The following EYS variants were observed in gnomAD, a reference collection of about 807,000 sequenced individuals.
EYS encodes the protein protein eyes shut homolog.
A neutral mutation model predicts 282.1 loss-of-function variants in EYS; 250 were observed. The observed-to-expected ratio is 0.89, with a 90% CI of 0.80 to 0.98. EYS has a LOEUF of 0.98. Ranked by LOEUF, EYS falls within the 50% of genes least tolerant of loss-of-function variation. The pLI is 0.00. For missense variants in EYS, 4,016 were observed against 3,709.0 expected, an observed-to-expected ratio of 1.08 and a Z score of -2.15; for synonymous variants, 1,355 against 1,282.9, an observed-to-expected ratio of 1.06 and a Z score of -1.20.
chr6:63,753,168 G>GTATATATA (rs1769388233), intron 41 of EYS, among the ~76,000 whole-genome samples: 3 of 119,282 alleles, frequency 2.5e-5, no homozygotes, highest in African/African-American at 1.0e-4. Context: ...ATATATATAT[G>GTATATATA]TATATATATT....
intron 19 of EYS, among the ~76,000 whole-genome samples, chr6:64,858,984 C>A (rs1490496205): frequency 6.6e-6 from 1 of 151,798 alleles, no homozygotes; most frequent in Non-Finnish European, 1.5e-5. Flanking sequence ...GTAGCCAGAG[C>A]AATTAGGCAA....
At chr6:64,945,678 C>T (rs28653021) in intron 15 of EYS, 115 bp downstream of exon 15, 2 of 985,640 alleles carry the variant, frequency 2.0e-6, no homozygotes, top group Non-Finnish European at 2.9e-6. Flanking sequence ...CTCTTCATTG[C>T]TGGATGGTTA....
At chr6:64,569,082 C>T (rs1765643646) in intron 26 of EYS, among the ~76,000 whole-genome samples, 1 of 149,228 alleles carries the variant, frequency 6.7e-6, no homozygotes, top group Admixed American at 6.7e-5. Flanking sequence ...ACCAGAACTC[C>T]TGTTCTCCAA....
intron 31 of EYS, among the ~76,000 whole-genome samples, chr6:64,166,253 G>A (rs757151092): frequency 6.6e-6 from 1 of 152,120 alleles, no homozygotes; most frequent in Non-Finnish European, 1.5e-5. Flanking sequence ...AAACACCTTT[G>A]CTGATATGAC....
Position 64,766,742 on chromosome 6 carries a change from CACAG to C in EYS, c.3443+46632_3443+46635del, listed in dbSNP as rs1169094706. Among the ~76,000 whole-genome samples the C allele has an allele frequency of 4.4e-5, 6 of 136,152 alleles. No individual in the cohort carries two copies. In the East Asian group the frequency reaches 8.5e-4, roughly 19 times the overall value. The allele number at this position is 136,152 out of a possible 152,430, so 89.3% of individuals were successfully genotyped here. On this transcript the variant is annotated intron_variant, in intron 22 of 42. Transcript: ENST00000503581. ...CTGAGAAACAAATACGAGATGATTT[CACAG>C]ACAAACTTAGAGTGAAATGTATTCA...
intron 30 of EYS, among the ~76,000 whole-genome samples, chr6:64,262,825 C>G (rs981374967): frequency 1.3e-5 from 2 of 151,896 alleles, no homozygotes; most frequent in African/African-American, 4.8e-5. Context: ...TCTCTCTTTT[C>G]ATTAACTTTG....
rs570356212 is a variant in EYS at position 63,857,261 on chromosome 6, T to G, written c.7228+6925A>C. Among the ~76,000 whole-genome samples, 28 of 152,322 alleles carry G rather than the reference T, an allele frequency of 1.8e-4. No individual in the cohort carries two copies. In the South Asian group the frequency reaches 5.6e-3, roughly 30 times the overall value. ...GGAAGATTTGGAGGTCATGCTACTC[T>G]TCAAGAGATTTTCCAGAGGTCAATA... On this transcript the variant is annotated intron_variant, in intron 36 of 42. Coordinates refer to ENST00000503581, the MANE Select transcript of EYS (RefSeq NM_001142800.2).
chr6:65,635,794 G>A (rs7775327), intron 2 of EYS, among the ~76,000 whole-genome samples: 54,094 of 151,982 alleles, frequency 0.36, 12,047 homozygotes, highest in Non-Finnish European at 0.5. Flanking sequence ...TTGCCTGTCT[G>A]ACACCTGGAC....
intron 33 of EYS, among the ~76,000 whole-genome samples, chr6:64,000,189 TTTTTTTTTTTTTTTTTTTTTTA>T (rs1768024021): frequency 9.6e-6 from 1 of 104,138 alleles, no homozygotes; most frequent in Non-Finnish European, 2.0e-5. Context: ...TTTTTTTTTT[TTTTTTTTTTTTTTTTTTTTTTA>T]GACAGAGTCT....
intron 31 of EYS, among the ~76,000 whole-genome samples, chr6:64,199,058 T>A (rs544844607): frequency 6.6e-6 from 1 of 152,118 alleles, no homozygotes; most frequent in Non-Finnish European, 1.5e-5. Context: ...TGCTTTTGAT[T>A]TGCATTTCTC....
chr6:63,974,624 TA>T (rs1456979394), intron 35 of EYS, among the ~76,000 whole-genome samples: 5 of 151,970 alleles, frequency 3.3e-5, no homozygotes, highest in Non-Finnish European at 1.5e-5. Context: ...AAATATGATA[TA>T]AAAAATATGA....
chr6:63,932,339 C>T (rs769223993), intron 35 of EYS, among the ~76,000 whole-genome samples: 3 of 152,140 alleles, frequency 2.0e-5, no homozygotes, highest in Non-Finnish European at 4.4e-5. Flanking sequence ...TTTTCTGCTT[C>T]TACTGAACAT....
chr6:64,955,326 G>C (rs1351233325), intron 14 of EYS, among the ~76,000 whole-genome samples: 1 of 151,394 alleles, frequency 6.6e-6, no homozygotes, highest in East Asian at 1.9e-4. Context: ...AATTGAAGAG[G>C]ACATCAAAAA....
chr6:64,453,163 AAAAAC>A lies in EYS; in HGVS notation c.5645-13816_5645-13812del, dbSNP rs1405446477. On this transcript the variant is annotated intron_variant, in intron 26 of 42. Coordinates refer to ENST00000503581, the MANE Select transcript of EYS (RefSeq NM_001142800.2). The stretch of plus-strand genomic sequence containing the variant: ...ATGAACTCCAACAAATTTACAAGAA[AAAAAC>A]AAACAACCCCATCAAAAAGTGGACG... 7.8e-3 allele frequency among the ~76,000 whole-genome samples: 1,182 copies of A among 151,906 alleles called. 15 individuals carry two copies. Among genetic ancestry groups the A allele is most frequent in the African/African-American group, 0.028 (1,139 of 41,154 alleles).
At chr6:64,580,811 A>C (rs925017265) in intron 26 of EYS, among the ~76,000 whole-genome samples, 1 of 152,140 alleles carries the variant, frequency 6.6e-6, no homozygotes, top group African/African-American at 2.4e-5. Flanking sequence ...ATACAAGCCA[A>C]AACTGGAGTT....
intron 13 of EYS, among the ~76,000 whole-genome samples, chr6:65,021,338 C>A (rs1772247382): frequency 6.6e-6 from 1 of 152,202 alleles, no homozygotes; most frequent in Non-Finnish European, 1.5e-5. Flanking sequence ...AGGACAGGGG[C>A]AAAATACCAT....
intron 29 of EYS, among the ~76,000 whole-genome samples, chr6:64,377,095 A>G (rs779676676): frequency 6.6e-6 from 1 of 152,042 alleles, no homozygotes; most frequent in Non-Finnish European, 1.5e-5. Flanking sequence ...ATAGATAGAT[A>G]GATAGATAGA....
At chr6:65,484,238 A>G (rs183731602) in intron 5 of EYS, among the ~76,000 whole-genome samples, 1 of 152,274 alleles carries the variant, frequency 6.6e-6, no homozygotes, top group African/African-American at 2.4e-5. Context: ...AGAAGACAGA[A>G]TATTGCTGAA....
At chr6:63,837,402 A>G (rs762863901) in intron 36 of EYS, among the ~76,000 whole-genome samples, 18 of 151,960 alleles carry the variant, frequency 1.2e-4, no homozygotes, top group Non-Finnish European at 2.4e-4. Context: ...TGTTTATGTC[A>G]TTTTCAGTTA....
Sources: gnomAD v4.1 joint callset for allele counts (sites outside exome capture counted in the v4.1 genomes callset) on GRCh38, gnomAD v4.1.1 for gene constraint, MANE v1.5 for transcripts, NCBI Gene and HGNC (gene_info 2026-07-23, HGNC 2026-07-21) for gene names.